Variants in NKPD1 observed in about 807,000 individuals in gnomAD.
The protein encoded by NKPD1 is NTPase KAP family P-loop domain-containing protein 1.
Under a neutral mutation model 42.2 loss-of-function variants are expected in NKPD1, and 37 were observed. The observed-to-expected ratio is 0.88, with a 90% confidence interval of 0.67 to 1.15. NKPD1 has a LOEUF of 1.15. Ranked by LOEUF, NKPD1 falls within the 50% of genes most tolerant of loss-of-function variation. The pLI, the probability that NKPD1 is intolerant of heterozygous loss-of-function variation, is 0.00. For missense variants in NKPD1, 1,113 were observed against 1,174.6 expected, an observed-to-expected ratio of 0.95 and a Z score of 0.77; for synonymous variants, 552 against 536.5, an observed-to-expected ratio of 1.03 and a Z score of -0.40.
chr19:45,152,743 T>TC lies in NKPD1; in HGVS notation c.1693dup (p.Asp565GlyfsTer290). 6.3e-7 allele frequency: 1 copy of TC among 1,589,360 alleles called. No homozygotes were observed. The highest frequency in any genetic ancestry group is 2.3e-5 in the East Asian group (1 of 43,312). ...CAGCTGCGCGCTCTCGCCCCCGGCG[T>TC]CCCCCGGCAGCCACGGCTTGCGCGT... On this transcript the variant is annotated frameshift_variant, in exon 5 of 5. Transcript: ENST00000686631. LOFTEE classifies it low-confidence loss of function (END_TRUNC).
At chr19:45,159,133 G>A in intron 2 of NKPD1, 33 bp from the exon 3 acceptor site, 1 of 1,252,610 alleles carries the variant, frequency 8.0e-7, no homozygotes, top group Non-Finnish European at 1.0e-6. Flanking sequence ...GACTGGGCCT[G>A]TGTCCCCGAC....
chr19:45,161,053 TC>T (rs1340490255), upstream of NKPD1, among the ~76,000 whole-genome samples: 14 of 152,118 alleles, frequency 9.2e-5, no homozygotes, highest in African/African-American at 3.4e-4. Context: ...TGCCTGCCTG[TC>T]CCCGCCCCTT....
In NKPD1 at chr19:45,155,530, G is replaced by A. The variant is rs548529462; in HGVS notation, c.661+255C>T. ...AGCATGGAAGGCACCAAGCACAGGA[G>A]GGACAGGGTCAGATCTGTCCTTCAG... On this transcript the variant is annotated intron_variant, in intron 4 of 4. Transcript: ENST00000686631. Among the ~76,000 whole-genome samples the A allele has an allele frequency of 2.6e-5, 4 of 152,378 alleles. No homozygotes were observed. The East Asian group carries it at 7.7e-4, about 29-fold the overall frequency.
chr19:45,152,589 G>T lies in NKPD1; in HGVS notation c.1848C>A (p.Pro616=), dbSNP rs762465885. The T allele has an allele frequency of 5.0e-6, 8 of 1,585,496 alleles. No homozygotes were observed. Among genetic ancestry groups the T allele is most frequent in the Non-Finnish European group, 6.8e-6 (8 of 1,175,168 alleles). The change falls in exon 5 of 5, where the codon CCC becomes CCA. Residue 616 remains proline, a synonymous_variant. Coordinates refer to ENST00000686631, the MANE Select transcript of NKPD1 (RefSeq NM_198478.4). The part of the protein sequence containing the change: ...DERDCLYEYV[P]DNVVSMRRIV... ...TGCGCCGCATGGACACCACGTTGTCGGGCACGTACTCGTAGAGGCAGTCGC... is the reference window on the plus strand; with the variant it reads ...TGCGCCGCATGGACACCACGTTGTCTGGCACGTACTCGTAGAGGCAGTCGC...
upstream of NKPD1, among the ~76,000 whole-genome samples, chr19:45,162,759 G>A (rs1312643867): frequency 6.6e-6 from 1 of 152,158 alleles, no homozygotes; most frequent in African/African-American, 2.4e-5. Context: ...CAGTAAGGCC[G>A]CCCATGCCGG....
intron 4 of NKPD1, 120 bp downstream of exon 4, chr19:45,155,665 G>T: frequency 9.9e-7 from 1 of 1,005,708 alleles, no homozygotes. Context: ...GCTTGGGGAG[G>T]GCCTGGGCTG....
Position 45,152,699 on chromosome 19 carries a change from C to A in NKPD1, c.1738G>T (p.Ala580Ser). ...CGGCCCTGCCCGCGCTCCGTCCCCG[C>A]CTGCGCCTGCACCGCCAGCAGCTGC... ...SAQLLAVQAQ[A>S]GTERGQGRID... Residue 580 changes from alanine to serine, a missense_variant, in exon 5 of 5, where the codon GCG (alanine) becomes TCG (serine). Ala to Ser is a moderately conservative substitution (Grantham distance 99). Around this residue, in one of 3 missense-constraint regions of NKPD1, gnomAD observed 867 missense variants for 870.1 expected, o/e 1.00. Transcript: ENST00000686631. The A allele has an allele frequency of 6.4e-7, 1 of 1,554,202 alleles. No homozygotes were observed. Among genetic ancestry groups the A allele is most frequent in the Non-Finnish European group, 8.7e-7 (1 of 1,155,306 alleles).
Position 45,152,152 on chromosome 19 carries a change from G to T in NKPD1, c.2285C>A (p.Ala762Glu). ...RRMGLIRAVS[A>E]LKPPSPPKSP... ...CTTGGGCGGGCTGGGCGGCTTGAGC[G>T]CGCTGACGGCTCGGATGAGACCCAT... Residue 762 changes from alanine (A) to glutamate (E), a missense_variant, in exon 5 of 5, where the codon GCG (alanine) becomes GAG (glutamate). Physicochemically the swap from Ala to Glu is moderately radical, Grantham distance 107. Transcript: ENST00000686631. 6.3e-7 allele frequency: 1 copy of T among 1,598,556 alleles called. No individual in the cohort carries two copies. Among genetic ancestry groups the T allele is most frequent in the Non-Finnish European group, 8.5e-7 (1 of 1,173,546 alleles).
chr19:45,152,720 G>A lies in NKPD1; in HGVS notation c.1717C>T (p.Leu573=). 1 of 1,572,908 alleles carries A rather than the reference G, an allele frequency of 6.4e-7. No homozygotes were observed. Among genetic ancestry groups the A allele is most frequent in the African/African-American group, 1.4e-5 (1 of 73,714 alleles). The change falls in exon 5 of 5, where the codon CTG becomes TTG. Residue 573 remains leucine (L), a synonymous_variant. Transcript: ENST00000686631. Reference sequence around the variant, plus strand: ...CCCGCCTGCGCCTGCACCGCCAGCAGCTGCGCGCTCTCGCCCCCGGCGTCC... The same window carrying A: ...CCCGCCTGCGCCTGCACCGCCAGCAACTGCGCGCTCTCGCCCCCGGCGTCC... ...PGDAGGESAQ[L]LAVQAQAGTE...
At position 45,152,144 on chromosome 19, in the gene NKPD1, G is replaced by T. The variant is rs779971512; in HGVS notation, c.2293C>A (p.Pro765Thr). The change falls in exon 5 of 5, where the codon CCG (proline) becomes ACG (threonine). Residue 765 changes from proline (P) to threonine (T), a missense_variant. Pro to Thr is a conservative substitution (Grantham distance 38, BLOSUM62 -1). This residue lies in a region of NKPD1 where 867 missense variants were observed against 870.1 expected (regional missense o/e 1.00). Transcript: ENST00000686631. ...GTAGGGGACTTGGGCGGGCTGGGCGGCTTGAGCGCGCTGACGGCTCGGATG... is the reference window on the plus strand; with the variant it reads ...GTAGGGGACTTGGGCGGGCTGGGCGTCTTGAGCGCGCTGACGGCTCGGATG... ...GLIRAVSALKPPSPPKSPTRD... is the reference protein window; with the variant it reads ...GLIRAVSALKTPSPPKSPTRD... 6.3e-7 allele frequency: 1 copy of T among 1,599,232 alleles called. No individual in the cohort carries two copies. Among genetic ancestry groups the T allele is most frequent in the South Asian group, 1.1e-5 (1 of 89,714 alleles).
chr19:45,157,321 G>A (rs1324062585), intron 3 of NKPD1, among the ~76,000 whole-genome samples: 1 of 152,194 alleles, frequency 6.6e-6, no homozygotes, highest in East Asian at 1.9e-4. Context: ...CTGCCTTAAT[G>A]AGGCCCAGCC....
Position 45,153,193 on chromosome 19 carries a change from A to G in NKPD1, c.1244T>C (p.Val415Ala). 1.3e-6 allele frequency: 2 copies of G among 1,585,098 alleles called. No homozygotes were observed. The highest frequency in any genetic ancestry group is 1.7e-6 in the Non-Finnish European group (2 of 1,166,724). ...CTGGCTGCCGAACTTTTCACGCGAC[A>G]CCAGCCGCTCGATCTTCTTGCGCTG... ...VSQRKKIERL[V>A]SREKFGSQLG... The change falls in exon 5 of 5, where the codon GTG becomes GCG. Residue 415 changes from valine (V) to alanine (A), a missense_variant. Coordinates refer to ENST00000686631, the MANE Select transcript of NKPD1 (RefSeq NM_198478.4).
chr19:45,153,288 C>A lies in NKPD1; in HGVS notation c.1149G>T (p.Ala383=). 1 of 1,593,534 alleles carries A rather than the reference C, an allele frequency of 6.3e-7. No homozygotes were observed. Among genetic ancestry groups the A allele is most frequent in the Non-Finnish European group, 8.5e-7 (1 of 1,170,952 alleles). Residue 383 remains alanine (A), a synonymous_variant, in exon 5 of 5, where the codon GCG becomes GCT. Transcript: ENST00000686631. ...SGSLLKVFGG[A]ATTLSGSGLL... is the part of the protein sequence containing the mutation. ...GCCCCGAGCCCGACAGTGTGGTGGC[C>A]GCGCCGCCAAACACCTTGAGCAGGC...
rs1302130350 is a variant in NKPD1, at chr19:45,151,244, A to T, written c.*694T>A. 2 of 152,276 alleles carry T rather than the reference A, an allele frequency of 1.3e-5. No homozygotes were observed. Among genetic ancestry groups the T allele is most frequent in the Admixed American group, 6.5e-5 (1 of 15,280 alleles). 9.4% of individuals were successfully genotyped at this position (152,276 alleles called of 1,614,324 possible). A position where few individuals can be genotyped will look rare whatever the true frequency, so the allele number is the denominator to read the frequency against. On this transcript the variant is annotated 3_prime_UTR_variant, in exon 5 of 5. Transcript: ENST00000686631. The stretch of plus-strand genomic sequence containing the variant: ...CCCTGGAGTGACTCGTAAGGCAGGT[A>T]CCCTGTGGACAGTTATTTGTCTGGG...
At chr19:45,161,022 C>G (rs942194474), upstream of NKPD1, among the ~76,000 whole-genome samples, 23 of 152,318 alleles carry the variant, frequency 1.5e-4, no homozygotes, top group African/African-American at 5.5e-4. Context: ...AGGCCTCAGC[C>G]CAGTGCCCGC....
chr19:45,154,471 A>G (rs1358233425), intron 4 of NKPD1, among the ~76,000 whole-genome samples: 1 of 152,222 alleles, frequency 6.6e-6, no homozygotes, highest in East Asian at 1.9e-4. Flanking sequence ...CTGAGGTCAC[A>G]GAGTGAATGA....
intron 1 of NKPD1, among the ~76,000 whole-genome samples, chr19:45,160,599 G>A (rs186640895): frequency 6.6e-6 from 1 of 152,136 alleles, no homozygotes; most frequent in Non-Finnish European, 1.5e-5. Context: ...GGAAGGACAT[G>A]GAGCTAGTGA....
At position 45,160,122 on chromosome 19, in the gene NKPD1, G is replaced by A. The variant is rs1292180360; in HGVS notation, c.29C>T (p.Ala10Val). 7.7e-7 allele frequency: 1 copy of A among 1,305,018 alleles called. No homozygotes were observed. The highest frequency in any genetic ancestry group is 1.0e-6 in the Non-Finnish European group (1 of 988,816). 80.8% of individuals were successfully genotyped at this position (1,305,018 alleles called of 1,614,324 possible). A position where few individuals can be genotyped will look rare whatever the true frequency, so the allele number is the denominator to read the frequency against. MHKHYKVHFAKDAQSPNGHY... is the reference protein window; with the variant it reads MHKHYKVHFVKDAQSPNGHY... ...CCCGTTGGGGCTCTGGGCATCCTTG[G>A]CGAAGTGGACTTTGTAATGTTTGTG... The change falls in exon 2 of 5, where the codon GCC becomes GTC. Residue 10 changes from alanine to valine, a missense_variant. Ala to Val is a moderately conservative substitution (Grantham distance 64, BLOSUM62 0). Transcript: ENST00000686631.
chr19:45,153,639 C>G lies in NKPD1; in HGVS notation c.798G>C (p.Glu266Asp). Residue 266 changes from glutamate (E) to aspartate (D), a missense_variant, in exon 5 of 5, where the codon GAG (glutamate) becomes GAC (aspartate). Transcript: ENST00000686631. ...YLVFLQPIIT[E>D]VHLRRRNVQF... is the part of the protein sequence containing the mutation. ...GCACGTTCCTGCGCCGCAGGTGCAC[C>G]TCGGTGATGATGGGCTGCAGGAACA... 2.5e-6 allele frequency: 4 copies of G among 1,585,230 alleles called. No individual in the cohort carries two copies. Among genetic ancestry groups the G allele is most frequent in the Non-Finnish European group, 3.4e-6 (4 of 1,165,702 alleles).
Sources: gnomAD v4.1 joint callset for allele counts (sites outside exome capture counted in the v4.1 genomes callset) on GRCh38, gnomAD v4.1.1 for gene constraint, gnomAD v4.1.1 regional missense constraint, MANE v1.5 for transcripts, NCBI Gene and HGNC (gene_info 2026-07-23, HGNC 2026-07-21) for gene names.